AGBL1: variants seen among roughly 807,000 people sequenced by gnomAD.
AGBL1 encodes AGBL carboxypeptidase 1.
AGBL1 carries 130 observed loss-of-function variants against 118.9 expected under a neutral mutation model. That is an observed-to-expected ratio of 1.09 (90% CI 0.95 to 1.26). AGBL1 has a LOEUF of 1.26. AGBL1 is among the 50% of genes most tolerant of loss of function. AGBL1 has a pLI of 0.00. For synonymous variants in AGBL1, 555 were observed against 478.9 expected, an observed-to-expected ratio of 1.16 and a Z score of -2.08; for missense variants, 1,584 against 1,298.1, an observed-to-expected ratio of 1.22 and a Z score of -3.38.
intron 15 of AGBL1, among the ~76,000 whole-genome samples, chr15:86,275,607 T>C (rs2079238477): frequency 6.6e-6 from 1 of 152,256 alleles, no homozygotes; most frequent in African/African-American, 2.4e-5. Flanking sequence ...TGCCTTTGTG[T>C]ACTTGCTCCT....
intron 22 of AGBL1, among the ~76,000 whole-genome samples, chr15:86,890,106 G>T (rs1174497629): frequency 6.6e-6 from 1 of 152,134 alleles, no homozygotes; most frequent in Non-Finnish European, 1.5e-5. Context: ...GCTTGAGATA[G>T]TATCACACTG....
At chr15:86,523,480 T>G (rs372504449) in intron 19 of AGBL1, among the ~76,000 whole-genome samples, 8 of 152,246 alleles carry the variant, frequency 5.3e-5, no homozygotes, top group African/African-American at 1.9e-4. Flanking sequence ...GTACCAGGGA[T>G]TAGAACTTGA....
At chr15:86,994,816 G>C (rs1360549578) in intron 24 of AGBL1, among the ~76,000 whole-genome samples, 1 of 152,162 alleles carries the variant, frequency 6.6e-6, no homozygotes, top group African/African-American at 2.4e-5. Flanking sequence ...AGAACATAAA[G>C]TATATGTAAG....
At chr15:86,945,884 CTCAGAG>C (rs2141662156) in intron 23 of AGBL1, among the ~76,000 whole-genome samples, 1 of 152,268 alleles carries the variant, frequency 6.6e-6, no homozygotes, top group South Asian at 2.1e-4. Context: ...TGAAGGACAG[CTCAGAG>C]TCAAAGAATA....
At position 86,196,877 on chromosome 15, in the gene AGBL1, GCGCA is replaced by G. The variant is rs1205916185; in HGVS notation, c.489-28035_489-28032del. Among the ~76,000 whole-genome samples the G allele has an allele frequency of 1.8e-3, 155 of 86,378 alleles. 4 individuals carry two copies. The highest frequency in any genetic ancestry group is 0.017 in the South Asian group (37 of 2,212). The allele number at this position is 86,378 out of a possible 152,430, so 56.7% of individuals were successfully genotyped here. ...TGCGAATGTGCACATGTGCGCGCGC[GCGCA>G]CACACACACACACACACACACACAC... On this transcript the variant is annotated intron_variant, in intron 5 of 22. Transcript: ENST00000614907.
chr15:86,953,785 T>TTACC (rs1184325478), intron 23 of AGBL1, among the ~76,000 whole-genome samples: 1 of 152,186 alleles, frequency 6.6e-6, no homozygotes, highest in Non-Finnish European at 1.5e-5. Flanking sequence ...TCTGGAAACT[T>TTACC]TACCGAAGTC....
chr15:86,612,497 T>C (rs2084671348), intron 21 of AGBL1, among the ~76,000 whole-genome samples: 1 of 151,976 alleles, frequency 6.6e-6, no homozygotes, highest in Non-Finnish European at 1.5e-5. Context: ...CTTCGGAGTT[T>C]AGACAACAGT....
rs536366641 is a variant in AGBL1 at position 86,815,457 on chromosome 15, G to C, written c.3159-91630G>C. On this transcript the variant is annotated intron_variant, in intron 22 of 22. Transcript: ENST00000614907. ...TGGGGGTAAAAACGTGTGTAAGAGA[G>C]ATTAAAGAGACCAATCATTTTTGGC... Among the ~76,000 whole-genome samples, 173 of 152,238 alleles carry C rather than the reference G, an allele frequency of 1.1e-3. 1 individual carries two copies. Among genetic ancestry groups the C allele is most frequent in the Non-Finnish European group, 1.9e-3 (132 of 68,018 alleles).
chr15:86,207,828 G>C (rs1451034101), intron 5 of AGBL1, among the ~76,000 whole-genome samples: 1 of 152,072 alleles, frequency 6.6e-6, no homozygotes, highest in Non-Finnish European at 1.5e-5. Flanking sequence ...TGATTGCCCT[G>C]ACCAGAACTT....
chr15:86,992,193 A>G (rs914912266), intron 24 of AGBL1, among the ~76,000 whole-genome samples: 16 of 151,996 alleles, frequency 1.1e-4, no homozygotes, highest in Non-Finnish European at 1.5e-4. Flanking sequence ...CTTTTAAACA[A>G]CCAGATCTCA....
chr15:86,479,683 T>C (rs1299574402), intron 18 of AGBL1, among the ~76,000 whole-genome samples: 2 of 152,164 alleles, frequency 1.3e-5, no homozygotes, highest in Admixed American at 6.5e-5. Flanking sequence ...GTGGCGATTC[T>C]TCAAGGACCT....
chr15:86,516,254 A>C (rs1220072734), intron 18 of AGBL1, among the ~76,000 whole-genome samples: 2 of 152,148 alleles, frequency 1.3e-5, no homozygotes, highest in Non-Finnish European at 2.9e-5. Context: ...TTGTTGGCAA[A>C]TTGTGAGGCA....
chr15:86,113,939 A>T (rs142564876), intron 1 of AGBL1, among the ~76,000 whole-genome samples: 1 of 152,338 alleles, frequency 6.6e-6, no homozygotes, highest in African/African-American at 2.4e-5. Context: ...GCTGTGTGTT[A>T]TATTGGTTCT....
chr15:86,666,586 A>G (rs982192598), intron 21 of AGBL1, among the ~76,000 whole-genome samples: 1 of 152,078 alleles, frequency 6.6e-6, no homozygotes, highest in Admixed American at 6.6e-5. Context: ...AGCAGGCCAT[A>G]ATTTTGGTGA....
intron 22 of AGBL1, among the ~76,000 whole-genome samples, chr15:86,720,921 C>A (rs942919874): frequency 2.6e-5 from 4 of 152,160 alleles, no homozygotes; most frequent in Admixed American, 2.0e-4. Flanking sequence ...GATTCCTCAA[C>A]ACATACACCC....
At chr15:86,683,247 G>A (rs1433240413) in intron 22 of AGBL1, among the ~76,000 whole-genome samples, 4 of 150,248 alleles carry the variant, frequency 2.7e-5, no homozygotes, top group Non-Finnish European at 5.9e-5. Flanking sequence ...GTGTTTCTGG[G>A]TAAGTTTTAA....
chr15:86,830,884 C>T (rs901071973), intron 22 of AGBL1, among the ~76,000 whole-genome samples: 3 of 152,172 alleles, frequency 2.0e-5, no homozygotes, highest in Non-Finnish European at 2.9e-5. Flanking sequence ...TTAAGACACA[C>T]ATTGTATTAG....
chr15:86,099,803 C>T (rs947583031), intron 1 of AGBL1, among the ~76,000 whole-genome samples: 2 of 152,120 alleles, frequency 1.3e-5, no homozygotes, highest in African/African-American at 4.8e-5. Context: ...AGCCATCATG[C>T]CTGGTTCCAA....
intron 21 of AGBL1, among the ~76,000 whole-genome samples, chr15:86,643,397 T>A (rs1363087201): frequency 2.0e-5 from 3 of 152,194 alleles, no homozygotes; most frequent in African/African-American, 7.2e-5. Context: ...AATTCTCCTA[T>A]TTTTAATCTC....
Sources: gnomAD v4.1 joint callset for allele counts (sites outside exome capture counted in the v4.1 genomes callset) on GRCh38, gnomAD v4.1.1 for gene constraint, MANE v1.5 for transcripts, NCBI Gene and HGNC (gene_info 2026-07-23, HGNC 2026-07-21) for gene names.